The following MCCC1 variants were observed in gnomAD, a reference collection of about 807,000 sequenced individuals.
MCCC1 encodes methylcrotonyl-CoA carboxylase subunit 1.
MCCC1 carries 64 observed loss-of-function variants against 83.8 expected under a neutral mutation model. The ratio of observed to expected loss-of-function variants is 0.76; its 90% CI spans 0.62 to 0.94. MCCC1 has a LOEUF of 0.94. Among genes scored for constraint, MCCC1 ranks in the 40% least tolerant of loss-of-function variants. The pLI is 0.00. For missense variants in MCCC1, 807 were observed against 904.7 expected, an observed-to-expected ratio of 0.89 and a Z score of 1.39; for synonymous variants, 322 against 315.4, an observed-to-expected ratio of 1.02 and a Z score of -0.22.
intron 11 of MCCC1, among the ~76,000 whole-genome samples, chr3:183,041,182 TAC>T (rs1471886791): frequency 6.6e-6 from 1 of 152,230 alleles, no homozygotes; most frequent in Non-Finnish European, 1.5e-5. Flanking sequence ...GTTTAGCTTA[TAC>T]TAAGTTTATG....
chr3:183,074,062 C>T (rs1716887117), intron 4 of MCCC1, among the ~76,000 whole-genome samples: 4 of 152,150 alleles, frequency 2.6e-5, no homozygotes, highest in Admixed American at 2.6e-4. Context: ...CTCAGAATGG[C>T]GTGCAATTTG....
At chr3:183,102,758 GTTTTTTTTTTTTTTT>G (rs566199257), upstream of MCCC1, among the ~76,000 whole-genome samples, 95 of 52,194 alleles carry the variant, frequency 1.8e-3, no homozygotes, top group African/African-American at 4.9e-3. Context: ...AGCAGAGAAA[GTTTTTTTTTTTTTTT>G]TTTTTTTTTT....
At chr3:183,107,186 T>C (rs1398288429) in intron 1 of MCCC1, among the ~76,000 whole-genome samples, 2 of 151,766 alleles carry the variant, frequency 1.3e-5, no homozygotes, top group Admixed American at 6.6e-5. Flanking sequence ...GGACGGATCA[T>C]TTGAGGTCAG....
At chr3:183,111,491 G>A (rs893575716) in intron 1 of MCCC1, among the ~76,000 whole-genome samples, 1 of 152,120 alleles carries the variant, frequency 6.6e-6, no homozygotes, top group Admixed American at 6.5e-5. Flanking sequence ...GTAGACATGG[G>A]GTTTTGCCAT....
At chr3:183,032,501 T>C (rs570150685) in intron 14 of MCCC1, among the ~76,000 whole-genome samples, 217 of 152,318 alleles carry the variant, frequency 1.4e-3, no homozygotes, top group Non-Finnish European at 1.7e-3. Flanking sequence ...ATATGCCCAA[T>C]GCACTTAAGA....
chr3:183,034,425 A>G (rs932592551), intron 13 of MCCC1, among the ~76,000 whole-genome samples: 1 of 142,946 alleles, frequency 7.0e-6, no homozygotes, highest in Non-Finnish European at 1.5e-5. Flanking sequence ...CACCGGATCC[A>G]GCCTGGGCGA....
rs1711539486 is a variant in MCCC1, at chr3:183,015,440, A to G, written c.2176T>C (p.Ter726GlnextTer10). Residue 726 changes from the stop codon to glutamine (Q), a stop_lost, in exon 19 of 19, where the codon TAA becomes CAA. Transcript: ENST00000265594. ...EEESDKRESE[*>Q] ...ACTGGCCATTTCCTTGCTGGAGTTTATTCCGATTCCCTTTTGTCTGATTCT... is the reference window on the plus strand; with the variant it reads ...ACTGGCCATTTCCTTGCTGGAGTTTGTTCCGATTCCCTTTTGTCTGATTCT... The G allele has an allele frequency of 6.2e-7, 1 of 1,614,050 alleles. No homozygotes were observed.
chr3:183,015,338 T>C lies in MCCC1; in HGVS notation c.*100A>G, dbSNP rs1560197324. 5 of 1,288,370 alleles carry C rather than the reference T, an allele frequency of 3.9e-6. No homozygotes were observed. The highest frequency in any genetic ancestry group is 5.6e-6 in the Non-Finnish European group (5 of 886,122). 79.8% of individuals were successfully genotyped at this position (1,288,370 alleles called of 1,614,324 possible). ...TCAGCATAAGCATACAATCATTTAG[T>C]AAAACTGCTCTTTATGAGACCCCCA... On this transcript the variant is annotated 3_prime_UTR_variant, in exon 19 of 19. Transcript: ENST00000265594.
At position 183,064,914 on chromosome 3, in the gene MCCC1, T is replaced by C. The variant is rs1225828097; in HGVS notation, c.761+6085A>G. ...CTCTCTGAGCACCTTGCTTTCCCCA[T>C]CCTGCCACAAAGCAATGCTTTTCTC... On this transcript the variant is annotated intron_variant, in intron 7 of 18. Transcript: ENST00000265594. The surrounding 1 kb of genome is among the most constrained non-coding windows in gnomAD (Gnocchi z 4.5). Among the ~76,000 whole-genome samples the C allele has an allele frequency of 1.3e-5, 2 of 151,772 alleles. No homozygotes were observed. Among genetic ancestry groups the C allele is most frequent in the Admixed American group, 6.6e-5 (1 of 15,234 alleles).
intron 1 of MCCC1, among the ~76,000 whole-genome samples, chr3:183,107,537 G>A (rs147717905): frequency 2.1e-4 from 30 of 146,306 alleles, no homozygotes; most frequent in African/African-American, 5.8e-4. Context: ...ATTATTATTT[G>A]TTGTTGTTGT....
chr3:183,028,184 G>C (rs1712764255), intron 14 of MCCC1, among the ~76,000 whole-genome samples: 1 of 152,138 alleles, frequency 6.6e-6, no homozygotes, highest in African/African-American at 2.4e-5. Context: ...AAATCTACCT[G>C]TGCCCTATAA....
intron 12 of MCCC1, among the ~76,000 whole-genome samples, chr3:183,038,133 T>C (rs764454999): frequency 1.3e-5 from 2 of 152,214 alleles, no homozygotes; most frequent in Non-Finnish European, 1.5e-5. Flanking sequence ...ATGATGTCCC[T>C]GCCTTCACAG....
intron 7 of MCCC1, among the ~76,000 whole-genome samples, chr3:183,060,818 T>C (rs919063269): frequency 2.9e-4 from 16 of 55,336 alleles, no homozygotes; most frequent in South Asian, 9.7e-4. Flanking sequence ...AGTGAGAACA[T>C]GCGGTGTTCC....
intron 7 of MCCC1, among the ~76,000 whole-genome samples, chr3:183,063,194 A>AG (rs11423070): frequency 0.93 from 142,170 of 152,114 alleles, 66,482 homozygotes; most frequent in East Asian, 1. Context: ...TGTGTTAGCC[A>AG]GATGGTCTTG....
chr3:183,056,908 T>C, intron 8 of MCCC1, among the ~76,000 whole-genome samples: 1 of 152,210 alleles, frequency 6.6e-6, no homozygotes, highest in East Asian at 1.9e-4. Flanking sequence ...TGGGTCAGGC[T>C]GGTCTTGAAC....
upstream of MCCC1, among the ~76,000 whole-genome samples, chr3:183,102,747 G>C (rs1205539878): frequency 8.2e-6 from 1 of 121,404 alleles, no homozygotes; most frequent in Non-Finnish European, 1.6e-5. Flanking sequence ...GGAGGTCTTA[G>C]AGCAGAGAAA....
chr3:183,058,530 G>A (rs1715596895), intron 7 of MCCC1, among the ~76,000 whole-genome samples: 2 of 152,138 alleles, frequency 1.3e-5, no homozygotes, highest in Non-Finnish European at 2.9e-5. Flanking sequence ...GCTCAGGCAG[G>A]AGGATTCCTC....
chr3:183,090,943 G>A, intron 3 of MCCC1: 1 of 455,962 alleles, frequency 2.2e-6, no homozygotes. Flanking sequence ...GACCTTCGAT[G>A]GGAAAGATGG....
At chr3:183,099,177 G>A (rs1163689863) in intron 1 of MCCC1, 175 bp downstream of exon 1, 4 of 682,182 alleles carry the variant, frequency 5.9e-6, no homozygotes, top group Non-Finnish European at 1.0e-5. Flanking sequence ...GGCTGGTGGG[G>A]ATGTCTTCCT....
Sources: gnomAD v4.1 joint callset for allele counts (sites outside exome capture counted in the v4.1 genomes callset) on GRCh38, gnomAD v4.1.1 for gene constraint, Gnocchi (gnomAD v3.1) non-coding constraint, MANE v1.5 for transcripts, NCBI Gene and HGNC (gene_info 2026-07-23, HGNC 2026-07-21) for gene names.